Variants in SORD observed in about 807,000 individuals in gnomAD.
The protein encoded by SORD is (R,R)-butanediol dehydrogenase.
SORD carries 18 observed loss-of-function variants against 35.6 expected under a neutral mutation model. The ratio of observed to expected loss-of-function variants is 0.51; its 90% CI spans 0.35 to 0.75. The LOEUF (loss-of-function observed/expected upper bound fraction) is 0.75. Ranked by LOEUF, SORD falls within the 30% of genes least tolerant of loss-of-function variation. SORD has a pLI of 0.01. For synonymous variants in SORD, 106 were observed against 152.9 expected, an observed-to-expected ratio of 0.69 and a Z score of 2.26; for missense variants, 250 against 390.2, an observed-to-expected ratio of 0.64 and a Z score of 3.03.
At chr15:45,047,534 A>G (rs1162821060) in intron 3 of SORD, among the ~76,000 whole-genome samples, 5 of 152,042 alleles carry the variant, frequency 3.3e-5, no homozygotes, top group African/African-American at 1.2e-4. Context: ...GGGAAGGGAG[A>G]TTTTGTGATG....
chr15:45,051,080 A>G (rs181269807), intron 3 of SORD, among the ~76,000 whole-genome samples: 12 of 152,324 alleles, frequency 7.9e-5, no homozygotes, highest in African/African-American at 2.6e-4. Context: ...TCAAAGTCCT[A>G]TAGCTGATTA....
chr15:45,049,112 T>A (rs189984655), intron 3 of SORD, among the ~76,000 whole-genome samples: 240 of 152,318 alleles, frequency 1.6e-3, no homozygotes, highest in African/African-American at 5.7e-3. Context: ...CAGAGGCATT[T>A]CTATGTTTGG....
chr15:45,039,056 AGTGCTATG>A (rs1321267558), intron 1 of SORD, among the ~76,000 whole-genome samples: 2 of 152,110 alleles, frequency 1.3e-5, no homozygotes, highest in Non-Finnish European at 2.9e-5. Flanking sequence ...TTCCAAACTA[AGTGCTATG>A]GTGAGGATAG....
intron 1 of SORD, among the ~76,000 whole-genome samples, chr15:45,037,928 C>G (rs1292351199): frequency 6.6e-6 from 1 of 151,680 alleles, no homozygotes; most frequent in African/African-American, 2.4e-5. Flanking sequence ...TGTAACAAAC[C>G]TCAGGTTCTG....
chr15:45,034,071 G>A (rs1445694621), intron 1 of SORD, among the ~76,000 whole-genome samples: 3 of 151,972 alleles, frequency 2.0e-5, no homozygotes, highest in African/African-American at 7.3e-5. Flanking sequence ...TTATCAAAAG[G>A]ACAAGATTGT....
rs150359937 is a variant in SORD, at chr15:45,061,585, C to G, written c.425+359C>G. Among the ~76,000 whole-genome samples the G allele has an allele frequency of 3.9e-4, 60 of 152,028 alleles. 1 individual carries two copies. Among genetic ancestry groups the G allele is most frequent in the African/African-American group, 1.4e-3 (59 of 41,514 alleles). ...AGAAACGTCATAACAACAATGACCT[C>G]GGCCAGGTGTGGTGGCTCATGCCTG... On this transcript the variant is annotated intron_variant, in intron 4 of 8. Coordinates refer to ENST00000267814, the MANE Select transcript of SORD (RefSeq NM_003104.6).
At chr15:45,054,580 T>C (rs1893182267) in intron 3 of SORD, among the ~76,000 whole-genome samples, 3 of 152,140 alleles carry the variant, frequency 2.0e-5, no homozygotes, top group Admixed American at 6.5e-5. Context: ...GAAAATTTTC[T>C]CCCATTTTGT....
chr15:45,054,781 C>T (rs1017304646), intron 3 of SORD, among the ~76,000 whole-genome samples: 4 of 151,588 alleles, frequency 2.6e-5, no homozygotes, highest in African/African-American at 7.3e-5. Context: ...GGTTTTAGGT[C>T]TAACGTTTAA....
intron 1 of SORD, among the ~76,000 whole-genome samples, chr15:45,034,996 TGTGCTGGGTCCCCCAGCA>T (rs942532274): frequency 1.1e-4 from 17 of 151,930 alleles, no homozygotes; most frequent in African/African-American, 3.9e-4. Flanking sequence ...CTGCGGAGGG[TGTGCTGGGTCCCCCAGCA>T]GTGCCGGCCC....
chr15:45,039,785 G>A (rs1054865067), intron 1 of SORD, among the ~76,000 whole-genome samples: 2 of 152,022 alleles, frequency 1.3e-5, no homozygotes, highest in South Asian at 2.1e-4. Context: ...CCTGTCTAGC[G>A]GGAAACATCC....
chr15:45,047,812 TC>T (rs1323615324), intron 3 of SORD, among the ~76,000 whole-genome samples: 1 of 152,194 alleles, frequency 6.6e-6, no homozygotes, highest in Non-Finnish European at 1.5e-5. Flanking sequence ...AGGGGAGATT[TC>T]TGCTGTTCTC....
chr15:45,035,453 T>G (rs1289246188), intron 1 of SORD, among the ~76,000 whole-genome samples: 17 of 151,654 alleles, frequency 1.1e-4, no homozygotes, highest in Admixed American at 1.1e-3. Context: ...ACACTCTGTA[T>G]CTAGCTAATC....
At chr15:45,047,802 A>G (rs1265433664) in intron 3 of SORD, among the ~76,000 whole-genome samples, 3 of 152,072 alleles carry the variant, frequency 2.0e-5, no homozygotes, top group African/African-American at 7.2e-5. Context: ...GGCTGCTAGA[A>G]GGGGAGATTT....
chr15:45,060,238 T>C (rs1209214614), intron 3 of SORD, among the ~76,000 whole-genome samples: 1 of 152,012 alleles, frequency 6.6e-6, no homozygotes, highest in Admixed American at 6.5e-5. Flanking sequence ...TGGATAGATA[T>C]GTGATAAAGT....
At chr15:45,064,245 G>A (rs1893369473) in intron 4 of SORD, among the ~76,000 whole-genome samples, 1 of 152,136 alleles carries the variant, frequency 6.6e-6, no homozygotes, top group Admixed American at 6.5e-5. Flanking sequence ...GGGACAGGCA[G>A]AGGATGTGGA....
At chr15:45,061,249 G>C in intron 4 of SORD, 23 bp downstream of exon 4, 2 of 1,612,744 alleles carry the variant, frequency 1.2e-6, no homozygotes, top group Non-Finnish European at 1.7e-6. Flanking sequence ...AGTCCCACTG[G>C]GTCACCTGGG....
At position 45,075,326 on chromosome 15, in the gene SORD, C is replaced by T. The variant is rs1351351258; in HGVS notation, c.*1796C>T. 7.4e-6 allele frequency: 1 copy of T among 134,576 alleles called. No homozygotes were observed. The highest frequency in any genetic ancestry group is 1.5e-5 in the Non-Finnish European group (1 of 67,556). 8.3% of individuals were successfully genotyped at this position (134,576 alleles called of 1,614,324 possible). A position where few individuals can be genotyped will look rare whatever the true frequency, so the allele number is the denominator to read the frequency against. On this transcript the variant is annotated 3_prime_UTR_variant, in exon 9 of 9. Transcript: ENST00000267814. ...AAGCAGTCTTGGTGGAAACATCTTC[C>T]TCACGCCCTGTGCCCCCTTTCAGGT... is the stretch of plus-strand genomic sequence containing the variant.
At chr15:45,065,106 C>T (rs1432349270) in intron 4 of SORD, among the ~76,000 whole-genome samples, 165 bp from the exon 5 acceptor site, 2 of 152,216 alleles carry the variant, frequency 1.3e-5, no homozygotes, top group African/African-American at 2.4e-5. Flanking sequence ...CAGGGATTTA[C>T]GTGAGTTAAT....
At chr15:45,066,583 G>A (rs1156950297) in intron 5 of SORD, among the ~76,000 whole-genome samples, 1 of 152,194 alleles carries the variant, frequency 6.6e-6, no homozygotes, top group Non-Finnish European at 1.5e-5. Context: ...CAGTAGGGCT[G>A]TAGCTAGCTG....
Sources: gnomAD v4.1 joint callset for allele counts (sites outside exome capture counted in the v4.1 genomes callset) on GRCh38, gnomAD v4.1.1 for gene constraint, MANE v1.5 for transcripts, NCBI Gene and HGNC (gene_info 2026-07-23, HGNC 2026-07-21) for gene names.